The following RNLS variants were observed in gnomAD, a reference collection of about 807,000 sequenced individuals.
RNLS encodes renalase.
In RNLS, 39 loss-of-function variants were observed where a neutral mutation model predicts 39.8. The ratio of observed to expected loss-of-function variants is 0.98; its 90% confidence interval spans 0.76 to 1.28. The LOEUF (loss-of-function observed/expected upper bound fraction) is 1.28, where lower values mean the gene tolerates loss of function less well. Among genes scored for constraint, RNLS ranks in the 50% most tolerant of loss-of-function variants. RNLS has a pLI of 0.00. For missense variants in RNLS, 410 were observed against 413.3 expected, an observed-to-expected ratio of 0.99 and a Z score of 0.07; for synonymous variants, 147 against 150.7, an observed-to-expected ratio of 0.98 and a Z score of 0.18.
At chr10:88,193,951 TCATCACTACTCCTC>T in the RNLS span, among the ~76,000 whole-genome samples, 1 of 152,204 alleles carries the variant, frequency 6.6e-6, no homozygotes, top group Non-Finnish European at 1.5e-5. Context: ...TTCGCATTGG[TCATCACTACTCCTC>T]TTGGCTAATT....
chr10:88,571,399 C>T (rs1849828024), intron 4 of RNLS, among the ~76,000 whole-genome samples: 1 of 152,128 alleles, frequency 6.6e-6, no homozygotes, highest in African/African-American at 2.4e-5. Context: ...AGAATGTATA[C>T]TTATCTCCAA....
the RNLS span, among the ~76,000 whole-genome samples, chr10:88,243,646 C>T: frequency 1.2e-4 from 19 of 152,288 alleles, no homozygotes; most frequent in South Asian, 2.3e-3. Flanking sequence ...CTATGAACTG[C>T]GGGGAAAAAC....
chr10:88,265,023 G>T, the RNLS span, among the ~76,000 whole-genome samples: 931 of 152,294 alleles, frequency 6.1e-3, 8 homozygotes, highest in African/African-American at 0.022. Context: ...CAAGGTGAGA[G>T]ATGAGGATCC....
chr10:88,178,400 G>C, the RNLS span, among the ~76,000 whole-genome samples: 2 of 152,038 alleles, frequency 1.3e-5, no homozygotes, highest in Admixed American at 1.3e-4. Flanking sequence ...AGCCACATTG[G>C]CTCCAGGTAG....
intron 4 of RNLS, among the ~76,000 whole-genome samples, chr10:88,442,988 A>G (rs545511645): frequency 6.6e-6 from 1 of 152,152 alleles, no homozygotes; most frequent in African/African-American, 2.4e-5. Flanking sequence ...CCAGAGATTG[A>G]AAGTATTTTC....
At chr10:88,423,719 G>A (rs1854543748) in intron 4 of RNLS, among the ~76,000 whole-genome samples, 1 of 152,190 alleles carries the variant, frequency 6.6e-6, no homozygotes, top group African/African-American at 2.4e-5. Flanking sequence ...TTTGTTGGTT[G>A]ATCTGCTTTC....
intron 4 of RNLS, among the ~76,000 whole-genome samples, chr10:88,551,683 C>CA (rs113821413): frequency 0.016 from 2,245 of 140,356 alleles, 53 homozygotes; most frequent in African/African-American, 0.052. Flanking sequence ...TGACTGGTTG[C>CA]AAAAAAAAAA....
intron 5 of RNLS, among the ~76,000 whole-genome samples, chr10:88,334,611 C>T (rs1360997969): frequency 6.6e-6 from 1 of 152,204 alleles, no homozygotes; most frequent in Non-Finnish European, 1.5e-5. Context: ...GTGCTCTCCA[C>T]ACTTACAGTA....
At chr10:88,548,907 G>A (rs1244807518) in intron 4 of RNLS, among the ~76,000 whole-genome samples, 2 of 152,028 alleles carry the variant, frequency 1.3e-5, no homozygotes, top group Non-Finnish European at 2.9e-5. Context: ...TGCTGACACA[G>A]AGGCATTAAT....
intron 4 of RNLS, among the ~76,000 whole-genome samples, chr10:88,536,995 GC>G (rs1476380207): frequency 6.6e-6 from 1 of 152,130 alleles, no homozygotes; most frequent in African/African-American, 2.4e-5. Flanking sequence ...GAATGAATGA[GC>G]GAGTAGCATA....
intron 3 of RNLS, among the ~76,000 whole-genome samples, chr10:88,574,391 C>T (rs1027403362): frequency 1.3e-5 from 2 of 152,116 alleles, no homozygotes; most frequent in African/African-American, 4.8e-5. Flanking sequence ...AAAGTTCATC[C>T]CAAAGCTTCC....
chr10:88,555,139 G>A (rs556826565), intron 4 of RNLS, among the ~76,000 whole-genome samples: 178 of 151,882 alleles, frequency 1.2e-3, no homozygotes, highest in African/African-American at 4.0e-3. Flanking sequence ...AGAAAAAAAT[G>A]TCTAAGAAAG....
At chr10:88,574,305 G>A (rs1276795535) in intron 3 of RNLS, among the ~76,000 whole-genome samples, 1 of 152,048 alleles carries the variant, frequency 6.6e-6, no homozygotes, top group Admixed American at 6.5e-5. Flanking sequence ...GAATGAGGGA[G>A]GAAAAAAGCA....
intron 4 of RNLS, among the ~76,000 whole-genome samples, chr10:88,569,876 A>C (rs1423980443): frequency 6.6e-6 from 1 of 152,164 alleles, no homozygotes; most frequent in East Asian, 1.9e-4. Flanking sequence ...ATATCATAGT[A>C]TTCTAGCACC....
chr10:88,486,977 T>C (rs927446337), intron 4 of RNLS, among the ~76,000 whole-genome samples: 5 of 151,976 alleles, frequency 3.3e-5, no homozygotes, highest in Non-Finnish European at 5.9e-5. Flanking sequence ...CAATGACAGA[T>C]TGGATGAAGA....
chr10:88,521,063 G>A (rs561023101), intron 4 of RNLS, among the ~76,000 whole-genome samples: 7 of 151,994 alleles, frequency 4.6e-5, no homozygotes, highest in African/African-American at 1.2e-4. Context: ...CTTCTGGTTC[G>A]AATCTTAATC....
Position 88,422,684 on chromosome 10 carries a change from A to G in RNLS, c.527-59959T>C, listed in dbSNP as rs919480470. On this transcript the variant is annotated intron_variant, in intron 4 of 6. Coordinates refer to ENST00000331772, the MANE Select transcript of RNLS (RefSeq NM_001031709.3). ...TCCCATAAAAGATAAGATTAAGAAA[A>G]AGAACAATGGAAGAAATTATTTTCT... is the stretch of plus-strand genomic sequence containing the variant. Among the ~76,000 whole-genome samples the G allele has an allele frequency of 3.9e-5, 6 of 152,308 alleles. 1 individual carries two copies. Among genetic ancestry groups the G allele is most frequent in the Admixed American group, 2.0e-4 (3 of 15,288 alleles).
At chr10:88,580,112 G>A in intron 3 of RNLS, among the ~76,000 whole-genome samples, 1 of 152,146 alleles carries the variant, frequency 6.6e-6, no homozygotes, top group East Asian at 1.9e-4. Flanking sequence ...TTTCCTGGGT[G>A]TCTACCTTGC....
chr10:88,428,554 T>C (rs556181591), intron 4 of RNLS, among the ~76,000 whole-genome samples: 1 of 152,070 alleles, frequency 6.6e-6, no homozygotes, highest in Admixed American at 6.6e-5. Context: ...TATTATCCTT[T>C]CTACTTTGTG....
Sources: allele counts gnomAD v4.1 joint callset (sites outside exome capture counted in the v4.1 genomes callset), GRCh38; gene constraint gnomAD v4.1.1; transcripts MANE v1.5; gene names NCBI Gene and HGNC (gene_info 2026-07-23, HGNC 2026-07-21).